Variants in ADIG observed in about 807,000 individuals in gnomAD.
ADIG encodes the protein adipogenesis associated.
A neutral mutation model predicts 10.7 loss-of-function variants in ADIG; 12 were observed. The observed-to-expected ratio is 1.12, with a 90% CI of 0.72 to 1.82. The LOEUF is 1.82. Among genes scored for constraint, ADIG ranks in the 40% most tolerant of loss-of-function variants. The pLI is 0.00. For missense variants in ADIG, 72 were observed against 92.5 expected, an observed-to-expected ratio of 0.78 and a Z score of 0.91; for synonymous variants, 32 against 35.6, an observed-to-expected ratio of 0.90 and a Z score of 0.36.
intron 2 of ADIG, among the ~76,000 whole-genome samples, chr20:38,587,210 G>T (rs562501990): frequency 6.6e-6 from 1 of 151,760 alleles, no homozygotes; most frequent in South Asian, 2.1e-4. Context: ...CCAGCCTCTC[G>T]CCTCTCTCTC....
At chr20:38,586,239 T>G (rs370702985) in intron 2 of ADIG, 78 bp downstream of exon 2, 36 of 1,169,684 alleles carry the variant, frequency 3.1e-5, no homozygotes, top group East Asian at 2.6e-4. Context: ...GGCAAGAGGC[T>G]GCCTCCACCA....
chr20:38,584,299 G>A (rs935358721), intron 1 of ADIG, among the ~76,000 whole-genome samples: 1 of 152,234 alleles, frequency 6.6e-6, no homozygotes, highest in African/African-American at 2.4e-5. Flanking sequence ...CAGTGCTACT[G>A]TCTGGCCATG....
intron 1 of ADIG, among the ~76,000 whole-genome samples, chr20:38,581,764 G>C (rs1158588727): frequency 1.3e-5 from 2 of 152,234 alleles, no homozygotes; most frequent in African/African-American, 4.8e-5. Flanking sequence ...TGAGCAGAGC[G>C]TGGGCTGGAT....
chr20:38,585,509 G>T, intron 1 of ADIG: 1 of 1,550,596 alleles, frequency 6.4e-7, no homozygotes, highest in African/African-American at 1.4e-5. Context: ...CAGACGGAGG[G>T]TCCGGGTCTC....
Position 38,588,384 on chromosome 20 carries a change from G to A in ADIG, c.*298G>A. 1 of 1,275,886 alleles carries A rather than the reference G, an allele frequency of 7.8e-7. No homozygotes were observed. 79.0% of individuals were successfully genotyped at this position (1,275,886 alleles called of 1,614,324 possible). On this transcript the variant is annotated 3_prime_UTR_variant, in exon 3 of 3. Coordinates refer to ENST00000537425, the MANE Select transcript of ADIG (RefSeq NM_001393816.1). ...CAATTTAATTCAGAGGGGTCTTAAA[G>A]CAGGGCTGGGCCGGAGGGTGTGGGT... is the stretch of plus-strand genomic sequence containing the variant.
rs1011066622 is a variant in ADIG at position 38,588,443 on chromosome 20, G to C, written c.*357G>C. 3 of 1,210,202 alleles carry C rather than the reference G, an allele frequency of 2.5e-6. No homozygotes were observed. The highest frequency in any genetic ancestry group is 1.6e-5 in the African/African-American group (1 of 62,640). 75.0% of individuals were successfully genotyped at this position (1,210,202 alleles called of 1,614,324 possible). Reference sequence around the variant, plus strand: ...AAGAAGCAAGGGTCTTCCCATACCCGGGGGACCCCTGACAAACCTACCAGG... The same window carrying C: ...AAGAAGCAAGGGTCTTCCCATACCCCGGGGACCCCTGACAAACCTACCAGG... On this transcript the variant is annotated 3_prime_UTR_variant, in exon 3 of 3. Coordinates refer to ENST00000537425, the MANE Select transcript of ADIG (RefSeq NM_001393816.1).
chr20:38,584,720 A>G (rs538324389), intron 1 of ADIG, among the ~76,000 whole-genome samples: 43 of 152,338 alleles, frequency 2.8e-4, no homozygotes, highest in Non-Finnish European at 5.6e-4. Flanking sequence ...CACTTTGCAC[A>G]TACTCTATGT....
intron 1 of ADIG, among the ~76,000 whole-genome samples, chr20:38,584,250 A>G (rs1049444835): frequency 1.3e-5 from 2 of 152,170 alleles, no homozygotes; most frequent in Non-Finnish European, 2.9e-5. Flanking sequence ...AAAAATGATA[A>G]TGGGCAGCTC....
At chr20:38,584,482 G>C (rs1176239911) in intron 1 of ADIG, among the ~76,000 whole-genome samples, 1 of 152,212 alleles carries the variant, frequency 6.6e-6, no homozygotes, top group Non-Finnish European at 1.5e-5. Flanking sequence ...CTCATGGTGG[G>C]TCTTGGAGCA....
intron 2 of ADIG, among the ~76,000 whole-genome samples, chr20:38,586,912 C>T (rs1387260912): frequency 1.3e-5 from 2 of 152,090 alleles, no homozygotes; most frequent in Non-Finnish European, 2.9e-5. Flanking sequence ...AGATGCTGTA[C>T]CCAAAGGCCC....
chr20:38,583,827 C>T (rs1423279125), intron 1 of ADIG, among the ~76,000 whole-genome samples: 4 of 152,194 alleles, frequency 2.6e-5, no homozygotes, highest in Non-Finnish European at 5.9e-5. Context: ...GTTAATTTTG[C>T]AACGAAGAGA....
At chr20:38,581,666 C>T (rs1348145534) in intron 1 of ADIG, among the ~76,000 whole-genome samples, 35 of 151,990 alleles carry the variant, frequency 2.3e-4, no homozygotes, top group Admixed American at 2.0e-3. Flanking sequence ...ACCTAGAGTT[C>T]GAGAGTGATC....
rs370029546 is a variant in ADIG, at chr20:38,588,397, G to A, written c.*311G>A. 1.8e-4 allele frequency: 224 copies of A among 1,256,384 alleles called. 3 individuals carry two copies. In the East Asian group the frequency reaches 7.5e-3, roughly 42 times the overall value. 77.8% of individuals were successfully genotyped at this position (1,256,384 alleles called of 1,614,324 possible). A position where few individuals can be genotyped will look rare whatever the true frequency, so the allele number is the denominator to read the frequency against. ...AGGGGTCTTAAAGCAGGGCTGGGCC[G>A]GAGGGTGTGGGTCCATATTAAAGAA... On this transcript the variant is annotated 3_prime_UTR_variant, in exon 3 of 3. Transcript: ENST00000537425.
In ADIG at chr20:38,584,847, G is replaced by A. The variant is rs188872515; in HGVS notation, c.125-1182G>A. ...GGTTGGAGTGCAGTGGCGCGATCTC[G>A]GCTCACTGCAACCTCCGACTCCCTG... On this transcript the variant is annotated intron_variant, in intron 1 of 2. Transcript: ENST00000537425. Among the ~76,000 whole-genome samples the A allele has an allele frequency of 2.7e-3, 414 of 151,808 alleles. 1 individual carries two copies. Among genetic ancestry groups the A allele is most frequent in the African/African-American group, 9.4e-3 (390 of 41,388 alleles).
rs1326082779 is a variant in ADIG at position 38,581,492 on chromosome 20, T to C, written c.124+118T>C. On this transcript the variant is annotated intron_variant, in intron 1 of 2. Transcript: ENST00000537425. ...GGCTTCCTTCAGTCATTTTAAGTGC[T>C]CGCTTAGATACAAGCAGTCAACTCT... 3.5e-6 allele frequency: 5 copies of C among 1,418,568 alleles called. No individual in the cohort carries two copies. The African/African-American group carries it at 7.2e-5, about 20-fold the overall frequency. The allele number at this position is 1,418,568 out of a possible 1,614,324, so 87.9% of individuals were successfully genotyped here.
At chr20:38,582,636 G>A (rs6128478) in intron 1 of ADIG, among the ~76,000 whole-genome samples, 71,650 of 151,950 alleles carry the variant, frequency 0.47, 20,800 homozygotes, top group East Asian at 0.86. Context: ...TTTGTTTCTA[G>A]AAAGTGTTTA....
rs1462913222 is a variant in ADIG, at chr20:38,585,676, T to C, written c.125-353T>C. The C allele has an allele frequency of 1.0e-5, 8 of 796,548 alleles. No individual in the cohort carries two copies. The East Asian group carries it at 2.1e-4, about 21-fold the overall frequency. 49.3% of individuals were successfully genotyped at this position (796,548 alleles called of 1,614,324 possible). A position where few individuals can be genotyped will look rare whatever the true frequency, so the allele number is the denominator to read the frequency against. On this transcript the variant is annotated intron_variant, in intron 1 of 2. Transcript: ENST00000537425. ...TTGTGCCTTTGTACTCAGATGTTTGTTAATGAATGAACTAGTGGACTAGTG... is the reference window on the plus strand; with the variant it reads ...TTGTGCCTTTGTACTCAGATGTTTGCTAATGAATGAACTAGTGGACTAGTG...
At position 38,588,248 on chromosome 20, in the gene ADIG, C is replaced by CAG; in HGVS notation, c.*165_*166dup. On this transcript the variant is annotated 3_prime_UTR_variant, in exon 3 of 3. Transcript: ENST00000537425. Reference sequence around the variant, plus strand: ...CTTCAGACCGACATGTGAAAGCCTCCAGAGGTCCCAGCCCTTCTCCAGCAT... The same window carrying CAG: ...CTTCAGACCGACATGTGAAAGCCTCCAGAGAGGTCCCAGCCCTTCTCCAGCAT... 7.7e-7 allele frequency: 1 copy of CAG among 1,304,360 alleles called. No individual in the cohort carries two copies. The highest frequency in any genetic ancestry group is 1.0e-6 in the Non-Finnish European group (1 of 988,962). The allele number at this position is 1,304,360 out of a possible 1,614,324, so 80.8% of individuals were successfully genotyped here.
chr20:38,585,990 A>AT (rs1225898978), intron 1 of ADIG, 39 bp from the exon 2 acceptor site: 1 of 1,555,682 alleles, frequency 6.4e-7, no homozygotes, highest in East Asian at 2.4e-5. Context: ...AGGAGACAGG[A>AT]TGTGACCATC....
Sources: gnomAD v4.1 joint callset for allele counts (sites outside exome capture counted in the v4.1 genomes callset) on GRCh38, gnomAD v4.1.1 for gene constraint, MANE v1.5 for transcripts, NCBI Gene and HGNC (gene_info 2026-07-23, HGNC 2026-07-21) for gene names.